SH3BGR: variants seen among roughly 807,000 people sequenced by gnomAD.
SH3BGR encodes SH3 domain binding glutamate rich protein.
A neutral mutation model predicts 24.5 loss-of-function variants in SH3BGR; 29 were observed. That is an observed-to-expected ratio of 1.18 (90% CI 0.88 to 1.61). The LOEUF is 1.61. Ranked by LOEUF, SH3BGR falls within the 40% of genes most tolerant of loss-of-function variation. The pLI is 0.00. For synonymous variants in SH3BGR, 55 were observed against 65.7 expected, an observed-to-expected ratio of 0.84 and a Z score of 0.79; for missense variants, 162 against 205.8, an observed-to-expected ratio of 0.79 and a Z score of 1.30.
intron 3 of SH3BGR, among the ~76,000 whole-genome samples, chr21:39,497,320 G>A (rs2837051): frequency 0.52 from 78,234 of 150,890 alleles, 20,721 homozygotes; most frequent in East Asian, 0.67. Context: ...TTTGCCATCT[G>A]TCTGGAAGAA....
intron 3 of SH3BGR, among the ~76,000 whole-genome samples, chr21:39,496,005 A>G (rs895364650): frequency 6.6e-6 from 1 of 152,216 alleles, no homozygotes; most frequent in Non-Finnish European, 1.5e-5. Context: ...GAAACAAAAC[A>G]TAAAATACAT....
chr21:39,511,141 T>G lies in SH3BGR; in HGVS notation c.436-539T>G, dbSNP rs1759841822. The stretch of plus-strand genomic sequence containing the variant: ...ATGTATGTGTGGTATGTGTGGTGTG[T>G]TGTATGTGTGGTGTATGTGTATTTG... On this transcript the variant is annotated intron_variant, in intron 5 of 6. Transcript: ENST00000333634. This position sits in a 1 kb window ranked among gnomAD's most constrained non-coding sequence, Gnocchi z 4.2. Among the ~76,000 whole-genome samples, 1 of 151,238 alleles carries G rather than the reference T, an allele frequency of 6.6e-6. No homozygotes were observed. The highest frequency in any genetic ancestry group is 2.1e-4 in the South Asian group (1 of 4,792).
chr21:39,460,356 A>G (rs1279965244), intron 1 of SH3BGR, among the ~76,000 whole-genome samples: 3 of 152,246 alleles, frequency 2.0e-5, no homozygotes, highest in South Asian at 2.1e-4. Flanking sequence ...TTTTAGTTCA[A>G]TGTGACTAAT....
chr21:39,479,262 G>GTGGTGCTGGTGGTGA (rs1431467921), intron 3 of SH3BGR, among the ~76,000 whole-genome samples: 1 of 149,844 alleles, frequency 6.7e-6, no homozygotes, highest in Non-Finnish European at 1.5e-5. Flanking sequence ...GGTGGTGATG[G>GTGGTGCTGGTGGTGA]TAGTGCTGGT....
chr21:39,455,373 G>T (rs2077638032), intron 1 of SH3BGR, among the ~76,000 whole-genome samples: 1 of 152,236 alleles, frequency 6.6e-6, no homozygotes, highest in African/African-American at 2.4e-5. Flanking sequence ...AGTGCAGCCT[G>T]GGGGGCCAGC....
rs1242940320 is a variant in SH3BGR at position 39,472,727 on chromosome 21, T to C, written c.232-2408T>C. ...ATCAGGGAAGTTTCCTTCCATTCTG[T>C]TCTGCCTGGTGGGGTATTTTCTCAT... On this transcript the variant is annotated intron_variant, in intron 2 of 6. Transcript: ENST00000333634. Among the ~76,000 whole-genome samples, 3 of 152,234 alleles carry C rather than the reference T, an allele frequency of 2.0e-5. No homozygotes were observed. The East Asian group carries it at 5.8e-4, about 29-fold the overall frequency.
rs991004603 is a variant in SH3BGR, at chr21:39,464,533, C to G, written c.231+1973C>G. On this transcript the variant is annotated intron_variant, in intron 2 of 6. Transcript: ENST00000333634. The stretch of plus-strand genomic sequence containing the variant: ...CCACCGCGCCCGGCCCAAATAAAGT[C>G]ACTTTCTGGGGTTCCAGGCTGACAT... Among the ~76,000 whole-genome samples the G allele has an allele frequency of 2.6e-5, 4 of 152,142 alleles. No individual in the cohort carries two copies. In the South Asian group the frequency reaches 8.3e-4, roughly 32 times the overall value.
At chr21:39,480,842 C>G (rs2078117875) in intron 3 of SH3BGR, among the ~76,000 whole-genome samples, 1 of 152,112 alleles carries the variant, frequency 6.6e-6, no homozygotes, top group African/African-American at 2.4e-5. Context: ...GATTCTGATG[C>G]TCATTTCTGT....
chr21:39,504,075 T>C (rs1197547268), intron 4 of SH3BGR, among the ~76,000 whole-genome samples: 2 of 152,234 alleles, frequency 1.3e-5, no homozygotes, highest in Non-Finnish European at 2.9e-5. Flanking sequence ...TTGCACCTTG[T>C]GCAGGTTTGG....
rs141064451 is a variant in SH3BGR, at chr21:39,455,624, A to G, written c.45+3483A>G. ...GATCAGGGACCCTGCAAGGGGGAGG[A>G]TTTTGGAGGAGAGGGGCCCCATGCT... On this transcript the variant is annotated intron_variant, in intron 1 of 6. Transcript: ENST00000333634. Among the ~76,000 whole-genome samples, 195 of 152,190 alleles carry G rather than the reference A, an allele frequency of 1.3e-3. 1 individual carries two copies. Among genetic ancestry groups the G allele is most frequent in the African/African-American group, 4.4e-3 (184 of 41,518 alleles).
At chr21:39,494,382 G>C (rs914233792) in intron 3 of SH3BGR, among the ~76,000 whole-genome samples, 7 of 151,732 alleles carry the variant, frequency 4.6e-5, no homozygotes, top group Non-Finnish European at 1.0e-4. Flanking sequence ...TAGTCCTTTA[G>C]CATTGTTTCA....
intron 3 of SH3BGR, among the ~76,000 whole-genome samples, chr21:39,498,398 G>A (rs2078434348): frequency 6.6e-6 from 1 of 152,154 alleles, no homozygotes. Flanking sequence ...GCATCAGGGA[G>A]GAGGTGTAGA....
intron 3 of SH3BGR, among the ~76,000 whole-genome samples, chr21:39,497,714 A>G (rs949270247): frequency 2.0e-5 from 3 of 152,192 alleles, no homozygotes; most frequent in Non-Finnish European, 2.9e-5. Flanking sequence ...AGAAATAGCT[A>G]AAAATTTATA....
intron 3 of SH3BGR, among the ~76,000 whole-genome samples, chr21:39,498,269 G>A (rs1221628800): frequency 2.0e-5 from 3 of 152,178 alleles, no homozygotes; most frequent in Admixed American, 2.0e-4. Context: ...TATCACAGGA[G>A]GGTGGGATTG....
chr21:39,497,824 A>G (rs1361572035), intron 3 of SH3BGR, among the ~76,000 whole-genome samples: 5 of 152,226 alleles, frequency 3.3e-5, no homozygotes, highest in African/African-American at 1.2e-4. Flanking sequence ...TAGAAATAAC[A>G]ATCATCTTCA....
intron 3 of SH3BGR, among the ~76,000 whole-genome samples, chr21:39,485,463 G>T (rs947572292): frequency 1.3e-5 from 2 of 152,004 alleles, no homozygotes; most frequent in Non-Finnish European, 2.9e-5. Context: ...AGCAAAAAGG[G>T]CTTCCTTATA....
intron 2 of SH3BGR, among the ~76,000 whole-genome samples, chr21:39,472,058 CTA>C (rs890082899): frequency 6.6e-6 from 1 of 152,128 alleles, no homozygotes; most frequent in Non-Finnish European, 1.5e-5. Context: ...CATGCTCTCA[CTA>C]TGTTTTCTTT....
At chr21:39,481,779 T>C (rs2078134340) in intron 3 of SH3BGR, among the ~76,000 whole-genome samples, 1 of 152,154 alleles carries the variant, frequency 6.6e-6, no homozygotes, top group Admixed American at 6.5e-5. Context: ...AGGTCAAATA[T>C]CGAATAAATG....
intron 2 of SH3BGR, among the ~76,000 whole-genome samples, chr21:39,463,313 A>G (rs1367224574): frequency 6.6e-6 from 1 of 152,276 alleles, no homozygotes; most frequent in Non-Finnish European, 1.5e-5. Flanking sequence ...TTTGTTTTAT[A>G]CATTTGATAG....
Sources: gnomAD v4.1 joint callset for allele counts (sites outside exome capture counted in the v4.1 genomes callset) on GRCh38, gnomAD v4.1.1 for gene constraint, Gnocchi (gnomAD v3.1) non-coding constraint, MANE v1.5 for transcripts, NCBI Gene and HGNC (gene_info 2026-07-23, HGNC 2026-07-21) for gene names.